Variants in GSE1 observed in about 807,000 individuals in gnomAD.
The protein encoded by GSE1 is genetic suppressor element 1.
Under a neutral mutation model 112.6 loss-of-function variants are expected in GSE1, and 32 were observed. The observed-to-expected ratio is 0.28, with a 90% confidence interval of 0.21 to 0.38. The LOEUF is 0.38. GSE1 is among the 10% of genes least tolerant of loss of function. The probability of loss-of-function intolerance (pLI) is 1.00; values close to 1 mark genes in which losing one functional copy is unlikely to be tolerated. For missense variants in GSE1, 2,348 were observed against 1,699.2 expected, an observed-to-expected ratio of 1.38 and a Z score of -6.71; for synonymous variants, 1,115 against 735.6, an observed-to-expected ratio of 1.52 and a Z score of -8.35.
intron 1 of GSE1, among the ~76,000 whole-genome samples, chr16:85,305,564 T>G (rs1438889407): frequency 6.6e-6 from 1 of 152,036 alleles, no homozygotes; most frequent in Non-Finnish European, 1.5e-5. Flanking sequence ...CACTGCAACC[T>G]CCGCCTCCTG....
At chr16:85,592,446 G>GGCCTGTGCATATTTTCTTCACTGA (rs1216316037) in intron 1 of GSE1, 1 of 152,176 alleles carries the variant, frequency 6.6e-6, no homozygotes, top group Non-Finnish European at 1.5e-5. Context: ...CACTCTGCCC[G>GGCCTGTGCATATTTTCTTCACTGA]GCCTGTGCAT....
At chr16:85,540,346 T>C (rs1212001789) in intron 2 of GSE1, among the ~76,000 whole-genome samples, 1 of 152,218 alleles carries the variant, frequency 6.6e-6, no homozygotes, top group Non-Finnish European at 1.5e-5. Context: ...ACACAGGGGC[T>C]GGTCAAGTTG....
At chr16:85,646,719 G>T (rs1288680069) in intron 2 of GSE1, among the ~76,000 whole-genome samples, 1 of 152,152 alleles carries the variant, frequency 6.6e-6, no homozygotes, top group African/African-American at 2.4e-5. Flanking sequence ...AGGCCAGCCG[G>T]AGTCGGGGGT....
intron 3 of GSE1, among the ~76,000 whole-genome samples, 199 bp downstream of exon 3, chr16:85,648,950 C>T (rs959728830): frequency 1.3e-5 from 2 of 152,058 alleles, no homozygotes; most frequent in African/African-American, 2.4e-5. Flanking sequence ...GTGAGTACAT[C>T]GGCCCACGCA....
At chr16:85,334,232 C>G (rs1167611778) in intron 1 of GSE1, among the ~76,000 whole-genome samples, 1 of 152,206 alleles carries the variant, frequency 6.6e-6, no homozygotes, top group East Asian at 1.9e-4. Flanking sequence ...AGGAGTCGAG[C>G]TGGTCCATCC....
chr16:85,181,963 C>T (rs367915832), intron 1 of GSE1, among the ~76,000 whole-genome samples: 4 of 152,192 alleles, frequency 2.6e-5, no homozygotes, highest in Non-Finnish European at 5.9e-5. Context: ...TGAGACGGAC[C>T]GTCTCACGGC....
At chr16:85,446,157 G>A (rs963330870) in intron 2 of GSE1, among the ~76,000 whole-genome samples, 1 of 152,228 alleles carries the variant, frequency 6.6e-6, no homozygotes, top group Admixed American at 6.5e-5. Flanking sequence ...CAGGCAGGGA[G>A]CTGTTTGGCC....
At chr16:85,465,437 C>T (rs1445866477) in intron 2 of GSE1, among the ~76,000 whole-genome samples, 1 of 152,232 alleles carries the variant, frequency 6.6e-6, no homozygotes, top group Non-Finnish European at 1.5e-5. Context: ...GTGACCTCAC[C>T]TCTCTGTGCC....
intron 1 of GSE1, among the ~76,000 whole-genome samples, chr16:85,565,631 C>T (rs918398826): frequency 2.2e-4 from 34 of 152,144 alleles, no homozygotes; most frequent in African/African-American, 8.2e-4. Context: ...AGGCTGTTTC[C>T]TGTGGAGTCT....
chr16:85,201,853 G>A (rs1283109590), intron 1 of GSE1, among the ~76,000 whole-genome samples: 2 of 152,206 alleles, frequency 1.3e-5, no homozygotes. Context: ...ACAAACTTAG[G>A]AATTTTTGTT....
chr16:85,626,399 A>G lies in GSE1; in HGVS notation c.8-7515A>G, dbSNP rs2049071415. Among the ~76,000 whole-genome samples the G allele has an allele frequency of 2.0e-5, 3 of 152,268 alleles. No individual in the cohort carries two copies. The South Asian group carries it at 6.2e-4, about 31-fold the overall frequency. On this transcript the variant is annotated intron_variant, in intron 1 of 15. Transcript: ENST00000253458. The stretch of plus-strand genomic sequence containing the variant: ...TGACCCGACCTCGTTAGGGCCACGG[A>G]AGCTTCGCCCCTTTGGGGGAGTGGG...
chr16:85,575,902 G>GTTT (rs11331736), intron 1 of GSE1, among the ~76,000 whole-genome samples: 1 of 132,618 alleles, frequency 7.5e-6, no homozygotes, highest in Non-Finnish European at 1.7e-5. Flanking sequence ...CCTCGTTTCT[G>GTTT]TTTTTTTTTT....
At chr16:85,291,115 C>T (rs1468090390) in intron 1 of GSE1, among the ~76,000 whole-genome samples, 1 of 152,358 alleles carries the variant, frequency 6.6e-6, no homozygotes, top group African/African-American at 2.4e-5. Context: ...GGGAGGTTGG[C>T]ACTGTCATTA....
intron 2 of GSE1, among the ~76,000 whole-genome samples, chr16:85,452,671 C>A (rs34799950): frequency 0.037 from 5,601 of 152,356 alleles, 163 homozygotes; most frequent in East Asian, 0.12. Flanking sequence ...TCTTCTCCTC[C>A]TTAAGGCCTC....
chr16:85,423,041 GGA>G (rs2048887308), intron 2 of GSE1, among the ~76,000 whole-genome samples: 2 of 152,190 alleles, frequency 1.3e-5, no homozygotes, highest in African/African-American at 2.4e-5. Context: ...CCCTGCCCAA[GGA>G]GGCATTGAGG....
intron 1 of GSE1, among the ~76,000 whole-genome samples, chr16:85,191,256 T>C (rs1485527923): frequency 6.6e-6 from 1 of 152,156 alleles, no homozygotes; most frequent in Non-Finnish European, 1.5e-5. Context: ...CCAGAATCCA[T>C]CTCAACAACA....
intron 2 of GSE1, among the ~76,000 whole-genome samples, chr16:85,475,016 G>A (rs531586613): frequency 3.3e-5 from 5 of 152,186 alleles, no homozygotes; most frequent in South Asian, 2.1e-4. Context: ...CAGTCAGGGC[G>A]ACCCCATGTC....
intron 2 of GSE1, among the ~76,000 whole-genome samples, chr16:85,487,726 C>T (rs1049397811): frequency 1.4e-5 from 2 of 139,134 alleles, no homozygotes; most frequent in Non-Finnish European, 3.1e-5. Flanking sequence ...GCTGTGCCCT[C>T]GGGAAATGGG....
intron 2 of GSE1, among the ~76,000 whole-genome samples, chr16:85,522,551 G>A (rs28428184): frequency 0.044 from 6,760 of 152,260 alleles, 302 homozygotes; most frequent in South Asian, 0.13. Flanking sequence ...CTGTGTCTCC[G>A]GCCTTAGCTC....
Sources: allele counts gnomAD v4.1 joint callset (sites outside exome capture counted in the v4.1 genomes callset), GRCh38; gene constraint gnomAD v4.1.1; transcripts MANE v1.5; gene names NCBI Gene and HGNC (gene_info 2026-07-23, HGNC 2026-07-21).